Variants in NEK10 observed in about 807,000 individuals in gnomAD.
NEK10 encodes the protein serine/threonine-protein kinase Nek10.
Under a neutral mutation model 159.8 loss-of-function variants are expected in NEK10, and 122 were observed. The ratio of observed to expected loss-of-function variants is 0.76; its 90% CI spans 0.66 to 0.89. NEK10 has a LOEUF of 0.89. Among genes scored for constraint, NEK10 ranks in the 40% least tolerant of loss-of-function variants. The pLI is 0.00. For missense variants in NEK10, 1,342 were observed against 1,323.1 expected, an observed-to-expected ratio of 1.01 and a Z score of -0.22; for synonymous variants, 466 against 457.1, an observed-to-expected ratio of 1.02 and a Z score of -0.25.
intron 33 of NEK10, among the ~76,000 whole-genome samples, chr3:27,119,450 A>T (rs138636335): frequency 3.3e-5 from 5 of 152,112 alleles, no homozygotes; most frequent in Non-Finnish European, 7.4e-5. Flanking sequence ...ATCTCCCTAC[A>T]TGCTTTAGGG....
chr3:27,296,206 A>G (rs2043343258), intron 14 of NEK10, among the ~76,000 whole-genome samples: 1 of 152,208 alleles, frequency 6.6e-6, no homozygotes, highest in African/African-American at 2.4e-5. Context: ...TAGTAAATAT[A>G]TAATGTACTG....
At chr3:27,305,625 A>ATAAT (rs1553627450) in intron 11 of NEK10, among the ~76,000 whole-genome samples, 105 of 40,526 alleles carry the variant, frequency 2.6e-3, no homozygotes, top group African/African-American at 0.012. Flanking sequence ...AAAAAAAAAA[A>ATAAT]AAAAATAATA....
At chr3:27,354,495 A>G (rs1352479379) in intron 1 of NEK10, among the ~76,000 whole-genome samples, 1 of 152,208 alleles carries the variant, frequency 6.6e-6, no homozygotes. Context: ...TCTTTAGGAT[A>G]AAAAACAAAA....
chr3:27,170,258 A>G (rs1017029868), intron 29 of NEK10, among the ~76,000 whole-genome samples: 1 of 152,322 alleles, frequency 6.6e-6, no homozygotes, highest in East Asian at 1.9e-4. Flanking sequence ...CCTGCCTGGC[A>G]TCACCACTTA....
chr3:27,275,300 T>C (rs1025821458), intron 22 of NEK10, among the ~76,000 whole-genome samples: 2 of 152,234 alleles, frequency 1.3e-5, no homozygotes, highest in African/African-American at 4.8e-5. Context: ...TTAAAGTACT[T>C]CAGAAATTGG....
chr3:27,273,204 C>G (rs542147833), intron 22 of NEK10, among the ~76,000 whole-genome samples: 244 of 152,310 alleles, frequency 1.6e-3, no homozygotes, highest in African/African-American at 5.5e-3. Flanking sequence ...ACCCTGCAGC[C>G]ATGTTCAGGT....
chr3:27,214,998 C>T (rs1951363159), intron 23 of NEK10: 1 of 675,854 alleles, frequency 1.5e-6, no homozygotes, highest in Non-Finnish European at 2.8e-6. Context: ...GGTCCCACTT[C>T]CGGCCAAGCT....
At chr3:27,347,075 A>C (rs562294300) in intron 3 of NEK10, among the ~76,000 whole-genome samples, 4 of 152,214 alleles carry the variant, frequency 2.6e-5, no homozygotes, top group South Asian at 2.1e-4. Context: ...TAATTAGCTA[A>C]ATTATTACAG....
intron 6 of NEK10, among the ~76,000 whole-genome samples, chr3:27,316,136 C>A (rs1006666326): frequency 2.0e-5 from 3 of 152,142 alleles, no homozygotes; most frequent in Non-Finnish European, 4.4e-5. Flanking sequence ...CGTTTTCATG[C>A]AGACCGTGAT....
intron 5 of NEK10, 81 bp downstream of exon 5, chr3:27,344,191 G>T: frequency 1.4e-6 from 1 of 706,992 alleles, no homozygotes; most frequent in Non-Finnish European, 2.5e-6. Flanking sequence ...CCTGTAAGAT[G>T]TTTCAAATCA....
At chr3:27,255,301 A>C (rs1456982223) in intron 23 of NEK10, 1 of 433,100 alleles carries the variant, frequency 2.3e-6, no homozygotes, top group Admixed American at 2.5e-5. Flanking sequence ...TTCTCATGAA[A>C]CCACTTTCAA....
intron 6 of NEK10, among the ~76,000 whole-genome samples, chr3:27,316,234 C>T (rs1437509263): frequency 3.3e-5 from 5 of 151,924 alleles, no homozygotes; most frequent in Admixed American, 2.6e-4. Flanking sequence ...AGATGGGGAG[C>T]GTATCAACTG....
At chr3:27,249,710 T>C (rs1390317629) in intron 23 of NEK10, among the ~76,000 whole-genome samples, 5 of 152,206 alleles carry the variant, frequency 3.3e-5, no homozygotes, top group Admixed American at 3.3e-4. Flanking sequence ...TTTCATCCAT[T>C]TACATTCAAT....
chr3:27,225,258 A>G (rs1401493037), intron 23 of NEK10, among the ~76,000 whole-genome samples: 1 of 152,190 alleles, frequency 6.6e-6, no homozygotes, highest in East Asian at 1.9e-4. Flanking sequence ...AGCTGATTAG[A>G]TGGTGCCCAC....
Position 27,346,108 on chromosome 3 carries a change from CT to C in NEK10, c.240del (p.Ala81LeufsTer9), listed in dbSNP as rs1215668401. On this transcript the variant is annotated frameshift_variant, in exon 4 of 36. Coordinates refer to ENST00000691995, the MANE Select transcript of NEK10 (RefSeq NM_001394966.1). LOFTEE classifies it high-confidence loss of function. ...RARGQWHEST[E>X]AVELENFSIN... ...TACCTAAAATTTTCAAGTTCAACAG[CT>C]TCTGTGGATTCATGCCACTGACCCC... 6.2e-7 allele frequency: 1 copy of C among 1,613,598 alleles called. No individual in the cohort carries two copies. Among genetic ancestry groups the C allele is most frequent in the Non-Finnish European group, 8.5e-7 (1 of 1,179,694 alleles).
chr3:27,173,952 A>G (rs1294909717), intron 28 of NEK10, among the ~76,000 whole-genome samples: 6 of 152,120 alleles, frequency 3.9e-5, no homozygotes, highest in Non-Finnish European at 8.8e-5. Context: ...AACATTATGG[A>G]CGGAATTTAT....
intron 29 of NEK10, among the ~76,000 whole-genome samples, chr3:27,170,395 G>T (rs1400570770): frequency 6.6e-6 from 1 of 152,146 alleles, no homozygotes; most frequent in Non-Finnish European, 1.5e-5. Flanking sequence ...AATCTAGACA[G>T]TCCTCTCAGC....
At chr3:27,283,494 T>A (rs901436193) in intron 22 of NEK10, among the ~76,000 whole-genome samples, 4 of 152,162 alleles carry the variant, frequency 2.6e-5, no homozygotes, top group African/African-American at 7.2e-5. Flanking sequence ...TCTCAAAAAA[T>A]TTTTATTGCT....
intron 31 of NEK10, among the ~76,000 whole-genome samples, chr3:27,133,250 G>A (rs901890242): frequency 7.2e-5 from 11 of 152,086 alleles, no homozygotes; most frequent in Non-Finnish European, 8.8e-5. Flanking sequence ...GTAACTGTTC[G>A]TTCAGCATGA....
Sources: gnomAD v4.1 joint callset for allele counts (sites outside exome capture counted in the v4.1 genomes callset) on GRCh38, gnomAD v4.1.1 for gene constraint, MANE v1.5 for transcripts, NCBI Gene and HGNC (gene_info 2026-07-23, HGNC 2026-07-21) for gene names.